Variants in ATP8B1 observed in about 807,000 individuals in gnomAD.
ATP8B1 encodes the protein ATPase phospholipid transporting 8B1.
In ATP8B1, 80 loss-of-function variants were observed where a neutral mutation model predicts 149.9. The ratio of observed to expected loss-of-function variants is 0.53; its 90% confidence interval spans 0.45 to 0.64. The LOEUF (loss-of-function observed/expected upper bound fraction) is 0.64, where lower values mean the gene tolerates loss of function less well. ATP8B1 is among the 30% of genes least tolerant of loss of function. The pLI is 0.00. For missense variants in ATP8B1, 1,247 were observed against 1,552.6 expected (o/e 0.80, Z 3.31); for synonymous variants, 536 against 562.8 (o/e 0.95, Z 0.67).
chr18:57,653,276 T>C (rs1452231488), intron 24 of ATP8B1, among the ~76,000 whole-genome samples: 1 of 145,546 alleles, frequency 6.9e-6, no homozygotes, highest in Non-Finnish European at 1.5e-5. Flanking sequence ...TTTTTCCTTT[T>C]CTTTTCTTTT....
intron 22 of ATP8B1, among the ~76,000 whole-genome samples, chr18:57,658,732 C>G (rs946058595): frequency 6.6e-6 from 1 of 151,288 alleles, no homozygotes; most frequent in Non-Finnish European, 1.5e-5. Flanking sequence ...GTGGCACAAA[C>G]ATGGCTCACT....
In ATP8B1 at chr18:57,712,318, A is replaced by G. The variant is rs577921235; in HGVS notation, c.182-5731T>C. Among the ~76,000 whole-genome samples the G allele has an allele frequency of 2.7e-3, 408 of 152,140 alleles. 1 individual carries two copies. The highest frequency in any genetic ancestry group is 4.9e-3 in the Non-Finnish European group (335 of 68,002). ...CCAGCACCAGATGTGTGGCATGGAG[A>G]GAAAATCTGTACGCTTGGGAGAGGG... is the stretch of plus-strand genomic sequence containing the variant. On this transcript the variant is annotated intron_variant, in intron 2 of 27. Coordinates refer to ENST00000648908, the MANE Select transcript of ATP8B1 (RefSeq NM_001374385.1).
chr18:57,709,468 T>C lies in ATP8B1; in HGVS notation c.182-2881A>G, dbSNP rs143849142. On this transcript the variant is annotated intron_variant, in intron 2 of 27. Coordinates refer to ENST00000648908, the MANE Select transcript of ATP8B1 (RefSeq NM_001374385.1). ...TTTTTAAAAAATCACAGAACACTTA[T>C]TAACATCAGTTAAGAAGTGCTGCAC... Among the ~76,000 whole-genome samples the C allele has an allele frequency of 6.6e-3, 1,006 of 152,320 alleles. 42 individuals are homozygous for C. Among genetic ancestry groups the C allele is most frequent in the Admixed American group, 0.045 (685 of 15,294 alleles).
chr18:57,665,538 G>A (rs1164095689), intron 20 of ATP8B1, among the ~76,000 whole-genome samples: 3 of 151,958 alleles, frequency 2.0e-5, no homozygotes, highest in Non-Finnish European at 4.4e-5. Flanking sequence ...TAAGCATTAA[G>A]CATTTATTTG....
intron 2 of ATP8B1, among the ~76,000 whole-genome samples, chr18:57,710,824 C>T (rs760751558): frequency 4.0e-5 from 6 of 151,892 alleles, no homozygotes; most frequent in Admixed American, 2.0e-4. Flanking sequence ...TAGTAGAGAC[C>T]GGGTTTCATC....
At chr18:57,752,372 C>T (rs2080031213) in intron 1 of ATP8B1, among the ~76,000 whole-genome samples, 1 of 152,088 alleles carries the variant, frequency 6.6e-6, no homozygotes, top group Admixed American at 6.6e-5. Context: ...AGCTCTAAGG[C>T]CTGCTACCTG....
intron 1 of ATP8B1, among the ~76,000 whole-genome samples, chr18:57,781,380 G>A (rs2080355163): frequency 6.6e-6 from 1 of 152,158 alleles, no homozygotes; most frequent in Admixed American, 6.5e-5. Context: ...ACACTGCAGA[G>A]TTGTTAAAAT....
At chr18:57,751,376 C>A (rs2080017078) in intron 1 of ATP8B1, among the ~76,000 whole-genome samples, 1 of 151,174 alleles carries the variant, frequency 6.6e-6, no homozygotes, top group African/African-American at 2.4e-5. Flanking sequence ...GCTGTAGTCC[C>A]AGTTACTTGG....
chr18:57,699,933 G>A (rs76607564), intron 6 of ATP8B1, among the ~76,000 whole-genome samples: 23,375 of 152,112 alleles, frequency 0.15, 2,335 homozygotes, highest in South Asian at 0.26. Flanking sequence ...GGAAGTCTAG[G>A]GTGCATGTCT....
At position 57,662,535 on chromosome 18, in the gene ATP8B1, G is replaced by C. The variant is rs1357574759; in HGVS notation, c.2366C>G (p.Ser789Cys). 6.2e-7 allele frequency: 1 copy of C among 1,614,184 alleles called. No homozygotes were observed. Among genetic ancestry groups the C allele is most frequent in the Non-Finnish European group, 8.5e-7 (1 of 1,180,034 alleles). ...YAKFAPPVQE[S>C]FFPPGGNRAL... ...ACGGTTTCCACCGGGTGGAAAAAAA[G>C]ATTCCTGCACAGGAGGTGCAAACTT... Residue 789 changes from serine to cysteine, a missense_variant, in exon 21 of 28, where the codon TCT (serine) becomes TGT (cysteine). Physicochemically the swap from Ser to Cys is moderately radical, Grantham distance 112 (BLOSUM62 -1). This residue lies in a region of ATP8B1 where 853 missense variants were observed against 1,035.7 expected (regional missense o/e 0.82). Transcript: ENST00000648908.
intron 1 of ATP8B1, among the ~76,000 whole-genome samples, chr18:57,797,703 CTTTTT>C (rs59261353): frequency 1.5e-4 from 14 of 96,288 alleles, no homozygotes; most frequent in East Asian, 2.9e-4. Context: ...TTCTTTCTTT[CTTTTT>C]TTTTTTTTTT....
At chr18:57,757,426 C>T (rs1192806692) in intron 1 of ATP8B1, among the ~76,000 whole-genome samples, 1 of 152,204 alleles carries the variant, frequency 6.6e-6, no homozygotes, top group Non-Finnish European at 1.5e-5. Context: ...GATCTTGGCA[C>T]TTGATGTGCT....
chr18:57,718,569 CA>C (rs978002965), intron 2 of ATP8B1, among the ~76,000 whole-genome samples: 3 of 151,994 alleles, frequency 2.0e-5, no homozygotes, highest in Non-Finnish European at 4.4e-5. Flanking sequence ...AAAACAAAAA[CA>C]AAAAGACCTA....
At chr18:57,663,760 C>T (rs914093021) in intron 20 of ATP8B1, among the ~76,000 whole-genome samples, 2 of 133,832 alleles carry the variant, frequency 1.5e-5, no homozygotes, top group Non-Finnish European at 3.1e-5. Flanking sequence ...GTGCTTTGCC[C>T]ATTTTTTTTT....
Position 57,694,450 on chromosome 18 carries a change from A to G in ATP8B1, c.1029+132T>C, listed in dbSNP as rs1912699249. On this transcript the variant is annotated intron_variant, in intron 11 of 27. Transcript: ENST00000648908. ...AAAAAATCCCTTCTTCCTGCATTTGAAGCTTGGAGTGCCCAATAATTTTTC... is the reference window on the plus strand; with the variant it reads ...AAAAAATCCCTTCTTCCTGCATTTGGAGCTTGGAGTGCCCAATAATTTTTC... The G allele has an allele frequency of 7.8e-6, 5 of 640,308 alleles. No homozygotes were observed. In the East Asian group the frequency reaches 1.4e-4, roughly 18 times the overall value. 39.7% of individuals were successfully genotyped at this position (640,308 alleles called of 1,614,324 possible).
chr18:57,736,068 G>A (rs796307998), intron 1 of ATP8B1, among the ~76,000 whole-genome samples: 1 of 138,940 alleles, frequency 7.2e-6, no homozygotes, highest in East Asian at 2.3e-4. Context: ...GTGAGAACAT[G>A]TGGTGTTTAG....
intron 26 of ATP8B1, 103 bp downstream of exon 26, chr18:57,651,931 G>T: frequency 1.4e-6 from 2 of 1,421,728 alleles, no homozygotes; most frequent in Non-Finnish European, 2.0e-6. Flanking sequence ...ACTGTGCCCA[G>T]CCATTCCACC....
At chr18:57,686,078 T>C (rs951663566) in intron 13 of ATP8B1, among the ~76,000 whole-genome samples, 2 of 152,016 alleles carry the variant, frequency 1.3e-5, no homozygotes, top group African/African-American at 4.8e-5. Context: ...TGAAACCCCA[T>C]CTCTACAAAA....
At chr18:57,656,685 T>A (rs1022378305) in intron 22 of ATP8B1, among the ~76,000 whole-genome samples, 2 of 149,960 alleles carry the variant, frequency 1.3e-5, no homozygotes, top group African/African-American at 2.5e-5. Flanking sequence ...CCGAAATAGA[T>A]ATATTTCTTC....
Sources: allele counts gnomAD v4.1 joint callset (sites outside exome capture counted in the v4.1 genomes callset), GRCh38; gene constraint gnomAD v4.1.1; regional missense constraint gnomAD v4.1.1; transcripts MANE v1.5; gene names NCBI Gene and HGNC (gene_info 2026-07-23, HGNC 2026-07-21).